Variants in ULK4 observed in about 807,000 individuals in gnomAD.
ULK4 encodes the protein inactive serine/threonine-protein kinase ULK4.
ULK4 carries 133 observed loss-of-function variants against 160.6 expected under a neutral mutation model. That is an observed-to-expected ratio of 0.83 (90% CI 0.72 to 0.96). The LOEUF is 0.96. Ranked by LOEUF, ULK4 falls within the 40% of genes least tolerant of loss-of-function variation. The pLI, the probability that ULK4 is intolerant of heterozygous loss-of-function variation, is 0.00. For synonymous variants in ULK4, 534 were observed against 539.8 expected (o/e 0.99, Z 0.15); for missense variants, 1,580 against 1,499.5 (o/e 1.05, Z -0.89).
At position 41,303,770 on chromosome 3, in the gene ULK4, G is replaced by A. The variant is rs372875538; in HGVS notation, c.3679-54196C>T. 7.2e-5 allele frequency among the ~76,000 whole-genome samples: 11 copies of A among 152,204 alleles called. 1 individual carries two copies. The South Asian group carries it at 2.3e-3, about 32-fold the overall frequency. On this transcript the variant is annotated intron_variant, in intron 35 of 36. Transcript: ENST00000301831. The stretch of plus-strand genomic sequence containing the variant: ...TAGCATGCCCTGGGACTACATCTGT[G>A]CTGGGAGGTAAGCTGTGCCAGGGGG...
chr3:41,414,476 A>T (rs951683331), intron 34 of ULK4, among the ~76,000 whole-genome samples: 2 of 152,232 alleles, frequency 1.3e-5, no homozygotes, highest in Non-Finnish European at 2.9e-5. Context: ...GCATTTCAAA[A>T]TCTTTCACAT....
chr3:41,823,766 G>A (rs563282316), intron 18 of ULK4, among the ~76,000 whole-genome samples: 1 of 152,220 alleles, frequency 6.6e-6, no homozygotes, highest in Non-Finnish European at 1.5e-5. Flanking sequence ...GTAGACTCAG[G>A]GACTTAACTT....
At chr3:41,561,541 CTGGT>C (rs1235397423) in intron 32 of ULK4, among the ~76,000 whole-genome samples, 2 of 152,126 alleles carry the variant, frequency 1.3e-5, no homozygotes, top group Non-Finnish European at 2.9e-5. Context: ...ATTTCAGAGC[CTGGT>C]GTTGTTCTAT....
At position 41,789,673 on chromosome 3, in the gene ULK4, T is replaced by G; in HGVS notation, c.2181A>C (p.Leu727=). 6.3e-7 allele frequency: 1 copy of G among 1,575,512 alleles called. No homozygotes were observed. Among genetic ancestry groups the G allele is most frequent in the Non-Finnish European group, 8.6e-7 (1 of 1,163,466 alleles). ...MLSCGIHLQR[L]IQEKGFVSTI... ...ATCTAAGTCAAACCTTTTCTTGGAT[T>G]AGTCTTTGAAGATGAATCCCACAGG... The change falls in exon 21 of 37, where the codon CTA becomes CTC. Residue 727 remains leucine, a synonymous_variant. Transcript: ENST00000301831.
chr3:41,347,938 T>C (rs555818906), intron 35 of ULK4, among the ~76,000 whole-genome samples: 56 of 152,184 alleles, frequency 3.7e-4, no homozygotes, highest in African/African-American at 1.3e-3. Flanking sequence ...CTAGGCACAG[T>C]GGCTCATGCC....
chr3:41,745,323 G>C (rs970653866), intron 22 of ULK4, among the ~76,000 whole-genome samples: 1 of 151,370 alleles, frequency 6.6e-6, no homozygotes, highest in African/African-American at 2.4e-5. Context: ...GGAATGAAAA[G>C]GGATATCACT....
chr3:41,334,563 C>T lies in ULK4; in HGVS notation c.3678+63516G>A, dbSNP rs577719940. On this transcript the variant is annotated intron_variant, in intron 35 of 36. Transcript: ENST00000301831. ...TATATAAAAAGTGAGCCACAGGAAG[C>T]GACACTCTGGTGTGGGCTGTGCAGG... Among the ~76,000 whole-genome samples, 67 of 152,240 alleles carry T rather than the reference C, an allele frequency of 4.4e-4. 1 individual carries two copies. Among genetic ancestry groups the T allele is most frequent in the African/African-American group, 1.6e-3 (65 of 41,534 alleles).
chr3:41,960,526 G>A (rs1700630405), intron 1 of ULK4, among the ~76,000 whole-genome samples: 1 of 151,952 alleles, frequency 6.6e-6, no homozygotes, highest in Non-Finnish European at 1.5e-5. Flanking sequence ...ACCACACCCA[G>A]TTAATTTTTT....
chr3:41,658,099 A>C (rs2125751986), intron 30 of ULK4, among the ~76,000 whole-genome samples: 1 of 152,368 alleles, frequency 6.6e-6, no homozygotes, highest in South Asian at 2.1e-4. Flanking sequence ...TAATCGTCAC[A>C]TAAGGGAATG....
chr3:41,499,457 T>C (rs550579390), intron 32 of ULK4, among the ~76,000 whole-genome samples: 35 of 152,310 alleles, frequency 2.3e-4, no homozygotes, highest in African/African-American at 8.2e-4. Flanking sequence ...GCTTCTTTCC[T>C]ATGTGTAGAG....
At position 41,405,604 on chromosome 3, in the gene ULK4, T is replaced by A. The variant is rs149674212; in HGVS notation, c.3493-7340A>T. ...CTTTACCACCAACAGTGTATAAGCATCCTCTTTTCTCCACAGTCTCACCAG... is the reference window on the plus strand; with the variant it reads ...CTTTACCACCAACAGTGTATAAGCAACCTCTTTTCTCCACAGTCTCACCAG... On this transcript the variant is annotated intron_variant, in intron 34 of 36. Transcript: ENST00000301831. Among the ~76,000 whole-genome samples, 280 of 152,328 alleles carry A rather than the reference T, an allele frequency of 1.8e-3. 1 individual carries two copies. The East Asian group carries it at 0.022, about 12-fold the overall frequency.
chr3:41,636,392 G>A (rs1228918498), intron 30 of ULK4, among the ~76,000 whole-genome samples: 1 of 151,984 alleles, frequency 6.6e-6, no homozygotes, highest in Non-Finnish European at 1.5e-5. Flanking sequence ...AAAATTAGGT[G>A]GTATGGTGTC....
At chr3:41,899,940 AATGAG>A (rs1183365742) in intron 13 of ULK4, among the ~76,000 whole-genome samples, 5 of 152,214 alleles carry the variant, frequency 3.3e-5, no homozygotes, top group Non-Finnish European at 7.3e-5. Flanking sequence ...TAACGTTCCC[AATGAG>A]ATAAGAAAAA....
intron 22 of ULK4, among the ~76,000 whole-genome samples, chr3:41,732,047 G>A (rs1342776326): frequency 2.0e-5 from 3 of 152,020 alleles, no homozygotes; most frequent in Non-Finnish European, 4.4e-5. Context: ...AATACATAGG[G>A]AAACTGCTTC....
At chr3:41,706,837 A>T (rs891979352) in intron 25 of ULK4, among the ~76,000 whole-genome samples, 6 of 122,146 alleles carry the variant, frequency 4.9e-5, no homozygotes, top group African/African-American at 3.6e-4. Context: ...CAAAAAAAAA[A>T]AAAAAAAAAA....
chr3:41,849,813 A>C (rs2042164863), intron 17 of ULK4, among the ~76,000 whole-genome samples: 1 of 152,130 alleles, frequency 6.6e-6, no homozygotes, highest in African/African-American at 2.4e-5. Flanking sequence ...CATTTTTTTA[A>C]AGAATTTTTA....
chr3:41,734,039 G>C (rs1306538317), intron 22 of ULK4, among the ~76,000 whole-genome samples: 1 of 152,044 alleles, frequency 6.6e-6, no homozygotes, highest in African/African-American at 2.4e-5. Context: ...CGCCCAGCTA[G>C]ATGTTTTCAT....
chr3:41,288,355 A>C (rs1221985244), intron 35 of ULK4, among the ~76,000 whole-genome samples: 1 of 152,192 alleles, frequency 6.6e-6, no homozygotes, highest in Non-Finnish European at 1.5e-5. Context: ...AGCTAATCCC[A>C]GTAAAGTGAT....
At chr3:41,503,362 G>C (rs2085275400) in intron 32 of ULK4, among the ~76,000 whole-genome samples, 1 of 152,246 alleles carries the variant, frequency 6.6e-6, no homozygotes, top group Non-Finnish European at 1.5e-5. Flanking sequence ...AGGGCTGTCA[G>C]TGGAAATGTC....
Sources: gnomAD v4.1 joint callset for allele counts (sites outside exome capture counted in the v4.1 genomes callset) on GRCh38, gnomAD v4.1.1 for gene constraint, MANE v1.5 for transcripts, NCBI Gene and HGNC (gene_info 2026-07-23, HGNC 2026-07-21) for gene names.